LYPD1: variants seen among roughly 807,000 people sequenced by gnomAD.
LYPD1 encodes LY6/PLAUR domain containing 1.
A neutral mutation model predicts 14.2 loss-of-function variants in LYPD1; 14 were observed. The ratio of observed to expected loss-of-function variants is 0.99; its 90% confidence interval spans 0.65 to 1.54. LYPD1 has a LOEUF of 1.54. Ranked by LOEUF, LYPD1 falls within the 40% of genes most tolerant of loss-of-function variation. The pLI is 0.00. For synonymous variants in LYPD1, 85 were observed against 70.6 expected (o/e 1.20, Z -1.02); for missense variants, 165 against 175.7 (o/e 0.94, Z 0.34).
intron 2 of LYPD1, chr2:132,663,071 A>AT (rs772533887): frequency 2.0e-5 from 3 of 152,192 alleles, no homozygotes; most frequent in Non-Finnish European, 4.4e-5. Flanking sequence ...GCTTGGCAAA[A>AT]TGTCTCATCT....
At chr2:132,655,877 G>A (rs1682566585) in intron 2 of LYPD1, among the ~76,000 whole-genome samples, 1 of 151,978 alleles carries the variant, frequency 6.6e-6, no homozygotes, top group Non-Finnish European at 1.5e-5. Context: ...GATCATAAAT[G>A]GTCATCATTT....
chr2:132,659,784 C>T (rs549009159), intron 2 of LYPD1, among the ~76,000 whole-genome samples: 1 of 152,194 alleles, frequency 6.6e-6, no homozygotes, highest in Non-Finnish European at 1.5e-5. Context: ...CCTTTGCACT[C>T]CCACTTTGGA....
At position 132,644,983 on chromosome 2, in the gene LYPD1, T is replaced by C; in HGVS notation, c.*1062A>G. The C allele has an allele frequency of 8.4e-7, 1 of 1,191,724 alleles. No individual in the cohort carries two copies. The highest frequency in any genetic ancestry group is 1.2e-6 in the Non-Finnish European group (1 of 863,658). The allele number at this position is 1,191,724 out of a possible 1,614,324, so 73.8% of individuals were successfully genotyped here. ...CCAACACTGAAAAATTGGTACCATT[T>C]CCTGGCCAGTAAGCACAGAACAGAG... On this transcript the variant is annotated 3_prime_UTR_variant, in exon 3 of 3. Coordinates refer to ENST00000397463, the MANE Select transcript of LYPD1 (RefSeq NM_144586.7).
chr2:132,652,874 A>G (rs961705265), intron 2 of LYPD1, among the ~76,000 whole-genome samples: 1 of 152,204 alleles, frequency 6.6e-6, no homozygotes, highest in Non-Finnish European at 1.5e-5. Context: ...ATTTGTATTA[A>G]TCTGCCTTAT....
Position 132,643,643 on chromosome 2 carries a change from G to GTATC in LYPD1, c.*2398_*2401dup, listed in dbSNP as rs955490772. 7.2e-5 allele frequency among the ~76,000 whole-genome samples: 11 copies of GTATC among 152,298 alleles called. No individual in the cohort carries two copies. The highest frequency in any genetic ancestry group is 3.4e-3 in the Middle Eastern group (1 of 294). On this transcript the variant is annotated 3_prime_UTR_variant, in exon 3 of 3. Transcript: ENST00000397463. ...ATCCTCCCGCCTCAGCCCCCAAAAAGTATCTGAGACCACAGGTGTGTATGT... is the reference window on the plus strand; with the variant it reads ...ATCCTCCCGCCTCAGCCCCCAAAAAGTATCTATCTGAGACCACAGGTGTGTATGT...
chr2:132,647,805 T>C (rs567496697), intron 2 of LYPD1, among the ~76,000 whole-genome samples: 15 of 152,250 alleles, frequency 9.9e-5, no homozygotes, highest in African/African-American at 3.6e-4. Context: ...CCTGCAGGTA[T>C]GTGGGCAGGT....
intron 2 of LYPD1, among the ~76,000 whole-genome samples, chr2:132,661,332 A>G (rs1169352307): frequency 1.3e-5 from 2 of 152,242 alleles, no homozygotes; most frequent in Non-Finnish European, 2.9e-5. Context: ...ATGAACACCA[A>G]TTCCTTTGCC....
chr2:132,651,798 C>T (rs1682370567), intron 2 of LYPD1, among the ~76,000 whole-genome samples: 1 of 152,180 alleles, frequency 6.6e-6, no homozygotes, highest in South Asian at 2.1e-4. Context: ...GATGTGTGTG[C>T]ACACATGTAA....
rs745632044 is a variant in LYPD1, at chr2:132,668,485, G to A, written c.105C>T (p.Asn35=). The part of the protein sequence containing the change: ...CYQCEEFQLN[N]DCSSPEFIVN... ...CAATGAACTCGGGGGAGGAGCAGTC[G>A]TTGTTCAGCTGGAATTCTTCACACT... Residue 35 remains asparagine (N), a synonymous_variant, in exon 2 of 3, where the codon AAC becomes AAT. Transcript: ENST00000397463. 7.4e-6 allele frequency: 12 copies of A among 1,612,006 alleles called. No homozygotes were observed. The highest frequency in any genetic ancestry group is 1.7e-4 in the Middle Eastern group (1 of 6,050).
rs1033356133 is a variant in LYPD1, at chr2:132,670,017, G to T, written c.-85C>A. The T allele has an allele frequency of 3.8e-6, 6 of 1,569,794 alleles. No individual in the cohort carries two copies. The African/African-American group carries it at 8.2e-5, about 21-fold the overall frequency. ...AGGCTGCCCCGGCTGCAGCGGCTGT[G>T]GCTGCCGAGGCTGCTGGGGCCCGCG... On this transcript the variant is annotated 5_prime_UTR_variant, in exon 1 of 3. Coordinates refer to ENST00000397463, the MANE Select transcript of LYPD1 (RefSeq NM_144586.7). The surrounding 1 kb of genome is among the most constrained non-coding windows in gnomAD (Gnocchi z 4.5).
In LYPD1 at chr2:132,645,408, G is replaced by T. The variant is rs1682006966; in HGVS notation, c.*637C>A. On this transcript the variant is annotated 3_prime_UTR_variant, in exon 3 of 3. Transcript: ENST00000397463. ...CCACCACCGACAGCGCCCGCTTTGT[G>T]CAGCGCCCGTTGCTCTTCGCGTCCC... The T allele has an allele frequency of 1.2e-6, 2 of 1,613,412 alleles. No homozygotes were observed. Among genetic ancestry groups the T allele is most frequent in the African/African-American group, 2.7e-5 (2 of 74,916 alleles).
chr2:132,659,802 A>G (rs1682821978), intron 2 of LYPD1, among the ~76,000 whole-genome samples: 1 of 152,156 alleles, frequency 6.6e-6, no homozygotes, highest in South Asian at 2.1e-4. Context: ...GGATGTCTTC[A>G]CTGGGTGGCA....
rs770263288 is a variant in LYPD1 at position 132,646,411 on chromosome 2, A to G, written c.191-131T>C. ...GCCCAGAGACTAGGTGAGGTCAGGG[A>G]AGTGCTTCGGATTGTCTCATTGATA... On this transcript the variant is annotated intron_variant, in intron 2 of 2. Transcript: ENST00000397463. The G allele has an allele frequency of 9.6e-5, 46 of 479,230 alleles. 2 individuals carry two copies. The highest frequency in any genetic ancestry group is 1.4e-4 in the Non-Finnish European group (40 of 281,024). The allele number at this position is 479,230 out of a possible 1,614,324, so 29.7% of individuals were successfully genotyped here.
rs1213248334 is a variant in LYPD1, at chr2:132,651,310, A to G, written c.191-5030T>C. Among the ~76,000 whole-genome samples, 8 of 152,142 alleles carry G rather than the reference A, an allele frequency of 5.3e-5. No homozygotes were observed. The East Asian group carries it at 1.5e-3, about 29-fold the overall frequency. ...GTCCACCAGAGGGCTCTAGGGAATGACCACTCTCAAGAAAAGAGCCACCAG... is the reference window on the plus strand; with the variant it reads ...GTCCACCAGAGGGCTCTAGGGAATGGCCACTCTCAAGAAAAGAGCCACCAG... On this transcript the variant is annotated intron_variant, in intron 2 of 2. Transcript: ENST00000397463.
chr2:132,669,647 C>A lies in LYPD1; in HGVS notation c.52+234G>T, dbSNP rs908339605. ...AGCTTCTCCCGACGGTGCAGCCGGA[C>A]AAGCTGCAGCCCGGAGTCCCGCAAA... On this transcript the variant is annotated intron_variant, in intron 1 of 2. Transcript: ENST00000397463. The surrounding 1 kb of genome is among the most constrained non-coding windows in gnomAD (Gnocchi z 4.3). Among the ~76,000 whole-genome samples the A allele has an allele frequency of 2.0e-5, 3 of 152,140 alleles. No individual in the cohort carries two copies. The highest frequency in any genetic ancestry group is 4.4e-5 in the Non-Finnish European group (3 of 68,020).
chr2:132,664,386 A>G (rs1018207035), intron 2 of LYPD1, among the ~76,000 whole-genome samples: 20 of 152,250 alleles, frequency 1.3e-4, no homozygotes, highest in Non-Finnish European at 2.9e-5. Context: ...GTGTAAAACT[A>G]AACTATCCAA....
chr2:132,644,540 A>G lies in LYPD1; in HGVS notation c.*1505T>C, dbSNP rs1681950310. On this transcript the variant is annotated 3_prime_UTR_variant, in exon 3 of 3. Transcript: ENST00000397463. Reference sequence around the variant, plus strand: ...ATATGTCCAAAAAACATTCTTGGCGACAGGCTATTCCTGACTTTGCTTCCC... The same window carrying G: ...ATATGTCCAAAAAACATTCTTGGCGGCAGGCTATTCCTGACTTTGCTTCCC... Among the ~76,000 whole-genome samples the G allele has an allele frequency of 6.6e-6, 1 of 152,240 alleles. No individual in the cohort carries two copies. The highest frequency in any genetic ancestry group is 6.5e-5 in the Admixed American group (1 of 15,288).
chr2:132,657,918 CA>C (rs1156972955), intron 2 of LYPD1, among the ~76,000 whole-genome samples: 1 of 152,128 alleles, frequency 6.6e-6, no homozygotes, highest in Non-Finnish European at 1.5e-5. Flanking sequence ...ATGGACTTCT[CA>C]AAAGCTGATC....
chr2:132,648,656 A>C (rs1682240370), intron 2 of LYPD1, among the ~76,000 whole-genome samples: 4 of 152,240 alleles, frequency 2.6e-5, no homozygotes, highest in Admixed American at 2.0e-4. Context: ...TAATCTTTAC[A>C]ACTGCTAAGA....
Sources: gnomAD v4.1 joint callset for allele counts (sites outside exome capture counted in the v4.1 genomes callset) on GRCh38, gnomAD v4.1.1 for gene constraint, Gnocchi (gnomAD v3.1) non-coding constraint, MANE v1.5 for transcripts, NCBI Gene and HGNC (gene_info 2026-07-23, HGNC 2026-07-21) for gene names.